CENPC: variants seen among roughly 807,000 people sequenced by gnomAD.
CENPC encodes the protein CENP-C 1.
In CENPC, 63 loss-of-function variants were observed where a neutral mutation model predicts 112.1. That is an observed-to-expected ratio of 0.56 (90% CI 0.46 to 0.69). CENPC has a LOEUF of 0.69. Among genes scored for constraint, CENPC ranks in the 30% least tolerant of loss-of-function variants. The pLI is 0.00. For synonymous variants in CENPC, 333 were observed against 367.6 expected (o/e 0.91, Z 1.08); for missense variants, 1,000 against 1,103.8 (o/e 0.91, Z 1.33).
chr4:67,518,698 T>C (rs1726131539), intron 6 of CENPC, among the ~76,000 whole-genome samples: 1 of 152,140 alleles, frequency 6.6e-6, no homozygotes, highest in Non-Finnish European at 1.5e-5. Flanking sequence ...TCTTAGAATA[T>C]ACTTAACTCC....
At chr4:67,482,744 G>A (rs766343358) in intron 17 of CENPC, among the ~76,000 whole-genome samples, 13 of 152,188 alleles carry the variant, frequency 8.5e-5, no homozygotes, top group African/African-American at 3.1e-4. Flanking sequence ...GAGGACTCAG[G>A]GGGAAGGGTG....
At position 67,469,822 on chromosome 4, in the gene CENPC, A is replaced by G. The variant is rs1724604830; in HGVS notation, c.*2783T>C. 1 of 152,244 alleles carries G rather than the reference A, an allele frequency of 6.6e-6. No individual in the cohort carries two copies. The highest frequency in any genetic ancestry group is 6.5e-5 in the Admixed American group (1 of 15,284). 9.4% of individuals were successfully genotyped at this position (152,244 alleles called of 1,614,324 possible). ...AAAAAGAACAGTGGTCTTAATGGGC[A>G]CAGAAAGATCACAATTTAGGGCTGT... On this transcript the variant is annotated 3_prime_UTR_variant, in exon 19 of 19. Coordinates refer to ENST00000273853, the MANE Select transcript of CENPC (RefSeq NM_001812.4).
At position 67,508,914 on chromosome 4, in the gene CENPC, C is replaced by G. The variant is rs1451021480; in HGVS notation, c.1804G>C (p.Gly602Arg). 9 of 1,613,578 alleles carry G rather than the reference C, an allele frequency of 5.6e-6. No individual in the cohort carries two copies. Among genetic ancestry groups the G allele is most frequent in the Non-Finnish European group, 7.6e-6 (9 of 1,179,742 alleles). Residue 602 changes from glycine (G) to arginine (R), a missense_variant, in exon 10 of 19, where the codon GGT (glycine) becomes CGT (arginine). By Grantham distance (125) the Gly-to-Arg change is moderately radical. Coordinates refer to ENST00000273853, the MANE Select transcript of CENPC (RefSeq NM_001812.4). ...GAAATTTCATCATGACCAACGATACCTCCAGAACCTTCAGCATTTAAAAAC... is the reference window on the plus strand; with the variant it reads ...GAAATTTCATCATGACCAACGATACGTCCAGAACCTTCAGCATTTAAAAAC... ...QKFLNAEGSG[G>R]IVGHDEISRC...
chr4:67,513,567 G>A (rs1462757732), intron 8 of CENPC, among the ~76,000 whole-genome samples: 1 of 152,062 alleles, frequency 6.6e-6, no homozygotes, highest in Non-Finnish European at 1.5e-5. Context: ...ATGCATGTAT[G>A]TATATTATCT....
chr4:67,527,983 A>G (rs1726434153), intron 5 of CENPC, among the ~76,000 whole-genome samples: 1 of 151,758 alleles, frequency 6.6e-6, no homozygotes, highest in Non-Finnish European at 1.5e-5. Context: ...ATTAAACAAC[A>G]CTGACTCAGA....
intron 4 of CENPC, among the ~76,000 whole-genome samples, chr4:67,534,619 G>A (rs1011941845): frequency 2.6e-5 from 4 of 152,148 alleles, no homozygotes; most frequent in Non-Finnish European, 4.4e-5. Context: ...GAAAACAATC[G>A]CAGTTAGACT....
chr4:67,544,621 T>C lies in CENPC; in HGVS notation c.19-426A>G, dbSNP rs376075822. Among the ~76,000 whole-genome samples, 7 of 152,294 alleles carry C rather than the reference T, an allele frequency of 4.6e-5. No homozygotes were observed. In the East Asian group the frequency reaches 5.8e-4, roughly 13 times the overall value. On this transcript the variant is annotated intron_variant, in intron 1 of 18. Coordinates refer to ENST00000273853, the MANE Select transcript of CENPC (RefSeq NM_001812.4). ...AAAAGAAATGATACGGATTTTTATA[T>C]AGTAACCATAACCAAAGTATGAAAT...
chr4:67,508,704 G>A, intron 10 of CENPC, 110 bp downstream of exon 10: 1 of 967,398 alleles, frequency 1.0e-6, no homozygotes, highest in Non-Finnish European at 1.5e-6. Flanking sequence ...GTATGTCAGA[G>A]TGCAGAGCTC....
chr4:67,512,818 A>G lies in CENPC; in HGVS notation c.1445-249T>C, dbSNP rs375255442. On this transcript the variant is annotated intron_variant, in intron 8 of 18. Coordinates refer to ENST00000273853, the MANE Select transcript of CENPC (RefSeq NM_001812.4). ...AACTCTTATATACTCCTCAGCCAAA[A>G]AAATAAGTATCTTCTGAAACTGAAA... Among the ~76,000 whole-genome samples the G allele has an allele frequency of 2.6e-5, 4 of 152,142 alleles. No individual in the cohort carries two copies. The East Asian group carries it at 5.8e-4, about 22-fold the overall frequency.
chr4:67,526,521 T>G (rs998854740), intron 5 of CENPC, among the ~76,000 whole-genome samples: 1 of 151,982 alleles, frequency 6.6e-6, no homozygotes, highest in African/African-American at 2.4e-5. Context: ...TATTGCTATT[T>G]AAAAGTTCTT....
rs547616089 is a variant in CENPC, at chr4:67,471,759, C to G, written c.*846G>C. The G allele has an allele frequency of 3.3e-5, 5 of 152,166 alleles. No homozygotes were observed. The highest frequency in any genetic ancestry group is 1.2e-4 in the African/African-American group (5 of 41,508). 9.4% of individuals were successfully genotyped at this position (152,166 alleles called of 1,614,324 possible). On this transcript the variant is annotated 3_prime_UTR_variant, in exon 19 of 19. Coordinates refer to ENST00000273853, the MANE Select transcript of CENPC (RefSeq NM_001812.4). Reference sequence around the variant, plus strand: ...AGAGTTAATGAGAATTATATGCTAACCATACCAAAAACCTTGATTAGAATT... The same window carrying G: ...AGAGTTAATGAGAATTATATGCTAAGCATACCAAAAACCTTGATTAGAATT...
At chr4:67,477,797 T>C (rs1195824423) in intron 17 of CENPC, among the ~76,000 whole-genome samples, 3 of 152,148 alleles carry the variant, frequency 2.0e-5, no homozygotes, top group Non-Finnish European at 2.9e-5. Flanking sequence ...AAAGAATTTT[T>C]TTTTAAAAAT....
rs1263453416 is a variant in CENPC at position 67,493,968 on chromosome 4, T to C, written c.2206A>G (p.Asn736Asp). The part of the protein sequence containing the change: ...HKLVLPSNTP[N>D]VRRTKRTRLK... ...CGTGTTCTCTTGGTCCTGCGAACAT[T>C]TGGTGTGTTGGAGGGCAATACTATA... The change falls in exon 14 of 19, where the codon AAT becomes GAT. Residue 736 changes from asparagine to aspartate, a missense_variant. Coordinates refer to ENST00000273853, the MANE Select transcript of CENPC (RefSeq NM_001812.4). 2.0e-5 allele frequency: 32 copies of C among 1,610,988 alleles called. No homozygotes were observed. Among genetic ancestry groups the C allele is most frequent in the Non-Finnish European group, 2.5e-5 (30 of 1,178,534 alleles).
rs1724648431 is a variant in CENPC, at chr4:67,471,083, GAACAACC to G, written c.*1515_*1521del. On this transcript the variant is annotated 3_prime_UTR_variant, in exon 19 of 19. Coordinates refer to ENST00000273853, the MANE Select transcript of CENPC (RefSeq NM_001812.4). ...ATGAATGCATCCCCCATCCCACACA[GAACAACC>G]AACAGTGGGTGGAAGGCTTATAGAC... is the stretch of plus-strand genomic sequence containing the variant. 6.6e-6 allele frequency: 1 copy of G among 152,174 alleles called. No individual in the cohort carries two copies. The highest frequency in any genetic ancestry group is 2.4e-5 in the African/African-American group (1 of 41,442). The allele number at this position is 152,174 out of a possible 1,614,324, so 9.4% of individuals were successfully genotyped here. A position where few individuals can be genotyped will look rare whatever the true frequency, so the allele number is the denominator to read the frequency against.
intron 17 of CENPC, 22 bp from the exon 18 acceptor site, chr4:67,475,000 TCTCATTC>T: frequency 1.5e-6 from 2 of 1,337,748 alleles, no homozygotes; most frequent in Non-Finnish European, 2.1e-6. Flanking sequence ...AAAATAAAAA[TCTCATTC>T]AAAACTGAAC....
intron 4 of CENPC, among the ~76,000 whole-genome samples, chr4:67,535,179 A>G (rs1726680605): frequency 6.6e-6 from 1 of 152,050 alleles, no homozygotes. Context: ...AAAGGAAAAT[A>G]ATTTCTAATC....
rs1251053731 is a variant in CENPC, at chr4:67,518,210, T to C, written c.776A>G (p.Lys259Arg). The C allele has an allele frequency of 6.4e-7, 1 of 1,558,458 alleles. No individual in the cohort carries two copies. Among genetic ancestry groups the C allele is most frequent in the Non-Finnish European group, 8.7e-7 (1 of 1,151,798 alleles). ...TAAAAACAATGTTGAAAAACTTTTTTTAGCTTGTCGTTGAATTTCATATTC... is the reference window on the plus strand; with the variant it reads ...TAAAAACAATGTTGAAAAACTTTTTCTAGCTTGTCGTTGAATTTCATATTC... ...DSEYEIQRQAKKSFSTLFLET... is the reference protein window; with the variant it reads ...DSEYEIQRQARKSFSTLFLET... Residue 259 changes from lysine (K) to arginine (R), a missense_variant, in exon 7 of 19, where the codon AAA becomes AGA. Physicochemically the swap from Lys to Arg is conservative, Grantham distance 26. Coordinates refer to ENST00000273853, the MANE Select transcript of CENPC (RefSeq NM_001812.4).
intron 12 of CENPC, among the ~76,000 whole-genome samples, chr4:67,504,433 A>G (rs1352607234): frequency 2.0e-5 from 3 of 152,208 alleles, no homozygotes; most frequent in Admixed American, 6.5e-5. Flanking sequence ...AAAAAAAAGT[A>G]TAACAGATTA....
chr4:67,529,978 GA>G (rs1189936722), intron 5 of CENPC, among the ~76,000 whole-genome samples: 1 of 152,044 alleles, frequency 6.6e-6, no homozygotes, highest in Non-Finnish European at 1.5e-5. Flanking sequence ...GAAGAGAACA[GA>G]TTTTTTTTTA....
Sources: gnomAD v4.1 joint callset for allele counts (sites outside exome capture counted in the v4.1 genomes callset) on GRCh38, gnomAD v4.1.1 for gene constraint, MANE v1.5 for transcripts, NCBI Gene and HGNC (gene_info 2026-07-23, HGNC 2026-07-21) for gene names.